The following KIF7 variants were observed in gnomAD, a reference collection of about 807,000 sequenced individuals.
The protein encoded by KIF7 is kinesin family member 7.
In KIF7, 104 loss-of-function variants were observed where a neutral mutation model predicts 135.7. The ratio of observed to expected loss-of-function variants is 0.77; its 90% confidence interval spans 0.65 to 0.90. KIF7 has a LOEUF of 0.90. Among genes scored for constraint, KIF7 ranks in the 40% least tolerant of loss-of-function variants. The probability of loss-of-function intolerance (pLI) is 0.00; values close to 1 mark genes in which losing one functional copy is unlikely to be tolerated. For missense variants in KIF7, 2,005 were observed against 1,839.1 expected (o/e 1.09, Z -1.65); for synonymous variants, 883 against 809.4 (o/e 1.09, Z -1.54).
At chr15:89,624,337 C>G (rs377334134), downstream of KIF7, 2 of 1,614,106 alleles carry the variant, frequency 1.2e-6, no homozygotes, top group Non-Finnish European at 8.5e-7. Flanking sequence ...TCAGAAAGAG[C>G]CCCAGATGTC....
chr15:89,649,138 C>G lies in KIF7; in HGVS notation c.759G>C (p.Leu253=), dbSNP rs1057522458. 4 of 1,548,002 alleles carry G rather than the reference C, an allele frequency of 2.6e-6. No individual in the cohort carries two copies. The Admixed American group carries it at 7.8e-5, about 30-fold the overall frequency. Residue 253 remains leucine, a synonymous_variant, in exon 4 of 19, where the codon CTG becomes CTC. Coordinates refer to ENST00000394412, the MANE Select transcript of KIF7 (RefSeq NM_198525.3). The part of the protein sequence containing the change: ...LLVSKFHFVD[L]AGSERVLKTG... ...TCTTGAGCACCCTCTCTGAGCCCGC[C>G]AGGTCCACGAAGTGGAACTTGGAGA...
In KIF7 at chr15:89,649,779, C is replaced by T. The variant is rs1336887612; in HGVS notation, c.491G>A (p.Arg164His). ...CTCATCTTCCCGGAGCTGGATGTCA[C>T]GGCTGGCAGTGCCCACCTCGAGCAG... ...RDLLEVGTAS[R>H]DIQLREDERG... The change falls in exon 3 of 19, where the codon CGT becomes CAT. Residue 164 changes from arginine to histidine, a missense_variant. By Grantham distance (29) the Arg-to-His change is conservative (BLOSUM62 0). Transcript: ENST00000394412. The T allele has an allele frequency of 1.1e-5, 17 of 1,551,720 alleles. No individual in the cohort carries two copies. Among genetic ancestry groups the T allele is most frequent in the South Asian group, 3.6e-5 (3 of 84,068 alleles).
chr15:89,630,962 C>A, intron 15 of KIF7: 1 of 271,270 alleles, frequency 3.7e-6, no homozygotes, highest in Non-Finnish European at 7.2e-6. Context: ...TGTGACTGTA[C>A]TGAATACTGT....
At chr15:89,626,985 G>A (rs565598993), downstream of KIF7, 3 of 1,614,118 alleles carry the variant, frequency 1.9e-6, no homozygotes, top group African/African-American at 2.7e-5. Flanking sequence ...TCCCTCCACT[G>A]TAGAAGACTC....
chr15:89,649,955 G>A lies in KIF7; in HGVS notation c.329-14C>T, dbSNP rs1013318465. On this transcript the variant is annotated splice_polypyrimidine_tract_variant and intron_variant, in intron 2 of 18. Coordinates refer to ENST00000394412, the MANE Select transcript of KIF7 (RefSeq NM_198525.3). The stretch of plus-strand genomic sequence containing the variant: ...CAAGGAGGGAGGCTGGGGAGACACC[G>A]CAGGGCCTCCTGCCACTTCAGCTGG... The A allele has an allele frequency of 2.0e-5, 31 of 1,548,518 alleles. No individual in the cohort carries two copies. Among genetic ancestry groups the A allele is most frequent in the Admixed American group, 9.8e-5 (5 of 50,990 alleles).
intron 7 of KIF7, among the ~76,000 whole-genome samples, chr15:89,646,499 G>T (rs1964015264): frequency 6.6e-6 from 1 of 152,182 alleles, no homozygotes; most frequent in South Asian, 2.1e-4. Context: ...GACAGAGGGG[G>T]TGGTCTGAAA....
At position 89,628,532 on chromosome 15, in the gene KIF7, GCACCCGCCCCACCAGGGGCT is replaced by G. The variant is rs1267369387; in HGVS notation, c.3899_3918del (p.Glu1300AlafsTer5). The G allele has an allele frequency of 1.2e-6, 2 of 1,613,068 alleles. No homozygotes were observed. The highest frequency in any genetic ancestry group is 3.3e-5 in the Admixed American group (2 of 60,010). On this transcript the variant is annotated frameshift_variant, in exon 19 of 19. Coordinates refer to ENST00000394412, the MANE Select transcript of KIF7 (RefSeq NM_198525.3). LOFTEE classifies it high-confidence loss of function. ...GGCAGGCCTGCCTCACCCACAGGAA[GCACCCGCCCCACCAGGGGCT>G]CAGCCGCCTCCCGCTGCCTCAGTTC...
intron 11 of KIF7, among the ~76,000 whole-genome samples, chr15:89,639,157 CT>C (rs1438248042): frequency 5.3e-5 from 8 of 152,118 alleles, no homozygotes; most frequent in African/African-American, 1.7e-4. Context: ...GGATTAAAGA[CT>C]TAAATGTTAG....
intron 16 of KIF7, 185 bp downstream of exon 16, chr15:89,630,102 G>T: frequency 1.6e-6 from 1 of 641,538 alleles, no homozygotes; most frequent in Non-Finnish European, 2.7e-6. Context: ...GGGCGGGTAG[G>T]AAACTGGGTC....
intron 10 of KIF7, among the ~76,000 whole-genome samples, chr15:89,642,690 C>T (rs541367145): frequency 1.3e-5 from 2 of 152,344 alleles, no homozygotes; most frequent in Admixed American, 1.3e-4. Flanking sequence ...CTGCCTCAGC[C>T]TCCCAAGTAG....
At chr15:89,630,605 C>T (rs1963653311) in intron 15 of KIF7, 112 bp from the exon 16 acceptor site, 4 of 903,958 alleles carry the variant, frequency 4.4e-6, no homozygotes, top group South Asian at 2.8e-5. Flanking sequence ...AGGGTCCCCT[C>T]GTCCCAAGGG....
intron 15 of KIF7, 124 bp downstream of exon 15, chr15:89,631,371 T>A: frequency 1.2e-6 from 1 of 847,392 alleles, no homozygotes; most frequent in Non-Finnish European, 1.8e-6. Flanking sequence ...CACCTAACAG[T>A]GAAAACTTGG....
intron 11 of KIF7, among the ~76,000 whole-genome samples, chr15:89,634,473 C>T (rs1406223497): frequency 2.0e-5 from 3 of 152,188 alleles, no homozygotes; most frequent in Admixed American, 1.3e-4. Flanking sequence ...GGTGCGCGCA[C>T]CGTGCGCGAG....
chr15:89,624,898 G>T (rs1449174985), downstream of KIF7: 3 of 1,614,036 alleles, frequency 1.9e-6, no homozygotes, highest in Non-Finnish European at 1.7e-6. Context: ...CTGTACCACA[G>T]ATGGGAGACA....
At chr15:89,632,716 T>C in intron 14 of KIF7, 104 bp downstream of exon 14, 1 of 1,279,384 alleles carries the variant, frequency 7.8e-7, no homozygotes, top group Non-Finnish European at 1.1e-6. Flanking sequence ...AGACCTCACC[T>C]GGCAGAAACT....
intron 2 of KIF7, among the ~76,000 whole-genome samples, chr15:89,617,740 G>T (rs1481920992): frequency 6.7e-6 from 1 of 149,066 alleles, no homozygotes; most frequent in East Asian, 2.0e-4. Context: ...TCGCCAGGCT[G>T]GAGTGCAGTG....
At chr15:89,626,909 C>T (rs756341427), downstream of KIF7, 46 of 1,592,720 alleles carry the variant, frequency 2.9e-5, no homozygotes, top group South Asian at 1.7e-4. Context: ...TTTTTCAGTT[C>T]GGTCCTCTGT....
intron 5 of KIF7, 119 bp downstream of exon 5, chr15:89,648,136 G>C: frequency 7.4e-7 from 1 of 1,345,870 alleles, no homozygotes; most frequent in Non-Finnish European, 9.5e-7. Flanking sequence ...ACCGAATCCC[G>C]AACGTGCCCT....
rs774368580 is a variant in KIF7 at position 89,631,537 on chromosome 15, C to G, written c.3069G>C (p.Glu1023Asp). The change falls in exon 15 of 19, where the codon GAG becomes GAC. Residue 1023 changes from glutamate to aspartate, a missense_variant. By Grantham distance (45) the Glu-to-Asp change is conservative. Coordinates refer to ENST00000394412, the MANE Select transcript of KIF7 (RefSeq NM_198525.3). Reference sequence around the variant, plus strand: ...TCCCCTGCCTCAGCTTGCCGTCGATCTCCAGGCGCTGCTTGAGCAGCGAGT... The same window carrying G: ...TCCCCTGCCTCAGCTTGCCGTCGATGTCCAGGCGCTGCTTGAGCAGCGAGT... The part of the protein sequence containing the change: ...EKDSLLKQRL[E>D]IDGKLRQGSL... 1.9e-6 allele frequency: 3 copies of G among 1,583,542 alleles called. No individual in the cohort carries two copies. Among genetic ancestry groups the G allele is most frequent in the Admixed American group, 3.5e-5 (2 of 57,082 alleles).
Sources: gnomAD v4.1 joint callset for allele counts (sites outside exome capture counted in the v4.1 genomes callset) on GRCh38, gnomAD v4.1.1 for gene constraint, MANE v1.5 for transcripts, NCBI Gene and HGNC (gene_info 2026-07-23, HGNC 2026-07-21) for gene names.